The following RYR2 variants were observed in gnomAD, a reference collection of about 807,000 sequenced individuals.
The protein encoded by RYR2 is cardiac muscle ryanodine receptor-calcium release channel.
A neutral mutation model predicts 601.1 loss-of-function variants in RYR2; 227 were observed. That is an observed-to-expected ratio of 0.38 (90% CI 0.34 to 0.42). RYR2 has a LOEUF of 0.42. RYR2 is among the 10% of genes least tolerant of loss of function. The pLI, the probability that RYR2 is intolerant of heterozygous loss-of-function variation, is 1.00. For missense variants in RYR2, 4,646 were observed against 6,156.5 expected (o/e 0.75, Z 8.21); for synonymous variants, 2,223 against 2,175.1 (o/e 1.02, Z -0.61).
chr1:237,828,247 T>A (rs181863590), intron 101 of RYR2, 134 bp from the exon 102 acceptor site: 95 of 578,276 alleles, frequency 1.6e-4, no homozygotes, highest in Admixed American at 3.3e-4. Context: ...GTATCGGATA[T>A]GTAGTCACGT....
chr1:237,789,426 A>G (rs572940116), intron 92 of RYR2, among the ~76,000 whole-genome samples: 2 of 150,836 alleles, frequency 1.3e-5, no homozygotes, highest in Non-Finnish European at 3.0e-5. Context: ...ATATTGTTTA[A>G]TACAGAGTTC....
At chr1:237,698,498 G>A (rs947168124) in intron 63 of RYR2, among the ~76,000 whole-genome samples, 5 of 152,078 alleles carry the variant, frequency 3.3e-5, no homozygotes, top group African/African-American at 1.2e-4. Context: ...TGGAATTCAG[G>A]CAAATTAATT....
intron 35 of RYR2, among the ~76,000 whole-genome samples, chr1:237,609,936 T>A (rs1459507291): frequency 9.3e-6 from 1 of 107,262 alleles, no homozygotes; most frequent in Non-Finnish European, 1.7e-5. Flanking sequence ...CAGTACTTGG[T>A]TTTTCCCCGC....
intron 17 of RYR2, among the ~76,000 whole-genome samples, chr1:237,484,797 T>C (rs1344803194): frequency 1.3e-5 from 2 of 152,200 alleles, no homozygotes; most frequent in African/African-American, 4.8e-5. Flanking sequence ...AGGACCACTT[T>C]TTTTTGGTTA....
At chr1:237,056,522 C>CTGGAGCACTGCGTCTGTGAGGAT (rs1662101645) in intron 1 of RYR2, among the ~76,000 whole-genome samples, 1 of 120,208 alleles carries the variant, frequency 8.3e-6, no homozygotes, top group Non-Finnish European at 1.7e-5. Flanking sequence ...CCTGTGAGGA[C>CTGGAGCACTGCGTCTGTGAGGAT]TGGAGCACTG....
intron 1 of RYR2, among the ~76,000 whole-genome samples, chr1:237,062,965 T>C (rs567392261): frequency 5.2e-4 from 79 of 152,334 alleles, no homozygotes; most frequent in African/African-American, 1.8e-3. Flanking sequence ...TACTGTTTTT[T>C]TTTTTCTGTT....
Position 237,511,707 on chromosome 1 carries a change from G to A in RYR2, c.2738G>A (p.Arg913Lys). The A allele has an allele frequency of 1.3e-6, 2 of 1,571,866 alleles. No individual in the cohort carries two copies. Among genetic ancestry groups the A allele is most frequent in the Non-Finnish European group, 8.6e-7 (1 of 1,157,044 alleles). ...TTTCAGGTTAGAGATGACAACAAGA[G>A]ACAACACCCATGCCTGGTGGAGTTC... The part of the protein sequence containing the change: ...QYGPVRDDNK[R>K]QHPCLVEFSK... The change falls in exon 24 of 105, where the codon AGA becomes AAA. Residue 913 changes from arginine (R) to lysine (K), a missense_variant. Transcript: ENST00000366574.
chr1:237,488,880 C>T (rs1663004839), intron 17 of RYR2, among the ~76,000 whole-genome samples: 1 of 152,194 alleles, frequency 6.6e-6, no homozygotes, highest in African/African-American at 2.4e-5. Context: ...TTGGTGGACT[C>T]TTCTCACGGA....
intron 2 of RYR2, among the ~76,000 whole-genome samples, chr1:237,312,553 A>G (rs1298369887): frequency 3.3e-5 from 5 of 152,188 alleles, no homozygotes; most frequent in Non-Finnish European, 1.5e-5. Context: ...CTTTCTGGTA[A>G]CCTTACCTTG....
Position 237,657,961 on chromosome 1 carries a change from A to T in RYR2, c.8147A>T (p.Lys2716Ile), listed in dbSNP as rs749618476. 5.8e-5 allele frequency: 88 copies of T among 1,513,926 alleles called. No homozygotes were observed. Among genetic ancestry groups the T allele is most frequent in the Non-Finnish European group, 7.5e-5 (85 of 1,127,490 alleles). 93.8% of individuals were successfully genotyped at this position (1,513,926 alleles called of 1,614,324 possible). Reference sequence around the variant, plus strand: ...TCTCATAGTATTACAATTCCTGAGAAATTGGAATACTTCATTAACAAATAT... The same window carrying T: ...TCTCATAGTATTACAATTCCTGAGATATTGGAATACTTCATTAACAAATAT... Reference protein sequence around the residue: ...VDTSNITIPEKLEYFINKYAE... With the variant: ...VDTSNITIPEILEYFINKYAE... The change falls in exon 54 of 105, where the codon AAA becomes ATA. Residue 2716 changes from lysine (K) to isoleucine (I), a missense_variant. Coordinates refer to ENST00000366574, the MANE Select transcript of RYR2 (RefSeq NM_001035.3).
chr1:237,107,485 A>T (rs762477203), intron 1 of RYR2, among the ~76,000 whole-genome samples: 8 of 125,020 alleles, frequency 6.4e-5, no homozygotes, highest in African/African-American at 2.3e-4. Flanking sequence ...GCACCACTGC[A>T]CTCCAGCCTG....
intron 24 of RYR2, among the ~76,000 whole-genome samples, chr1:237,525,563 G>C (rs1478156195): frequency 1.3e-5 from 2 of 151,894 alleles, no homozygotes. Flanking sequence ...CAATTCTCCT[G>C]CCACAGCCTC....
In RYR2 at chr1:237,659,988, G is replaced by A; in HGVS notation, c.8212G>A (p.Ala2738Thr). Residue 2738 changes from alanine to threonine, a missense_variant, in exon 55 of 105, where the codon GCA becomes ACA. Ala to Thr is a moderately conservative substitution (Grantham distance 58). This residue lies in a region of RYR2 where 1,497 missense variants were observed against 1,842.6 expected (regional missense o/e 0.81). Coordinates refer to ENST00000366574, the MANE Select transcript of RYR2 (RefSeq NM_001035.3). Reference sequence around the variant, plus strand: ...TTAATGTTTGCCTTTTTTTAAGTTGGCAAATGGATGGATTTATGGAGAAAT... The same window carrying A: ...TTAATGTTTGCCTTTTTTTAAGTTGACAAATGGATGGATTTATGGAGAAAT... ...SHDKWSMDKL[A>T]NGWIYGEIYS... 6.4e-7 allele frequency: 1 copy of A among 1,573,982 alleles called. No homozygotes were observed. Among genetic ancestry groups the A allele is most frequent in the Non-Finnish European group, 8.6e-7 (1 of 1,164,982 alleles).
intron 1 of RYR2, among the ~76,000 whole-genome samples, chr1:237,065,319 G>A (rs373539949): frequency 3.7e-5 from 5 of 133,748 alleles, no homozygotes; most frequent in East Asian, 4.1e-4. Flanking sequence ...TTGCATTGTC[G>A]CCCAGGCTGG....
At chr1:237,440,254 A>G (rs1051736938) in intron 12 of RYR2, among the ~76,000 whole-genome samples, 2 of 152,190 alleles carry the variant, frequency 1.3e-5, no homozygotes, top group Non-Finnish European at 2.9e-5. Flanking sequence ...TGTTTAGCAG[A>G]CATACATTTT....
intron 29 of RYR2, among the ~76,000 whole-genome samples, chr1:237,584,037 A>C (rs1446122971): frequency 2.0e-5 from 3 of 152,210 alleles, no homozygotes; most frequent in Non-Finnish European, 4.4e-5. Flanking sequence ...GCACTAATTT[A>C]AGATCCACTG....
At chr1:237,210,609 A>G (rs556243492) in intron 1 of RYR2, among the ~76,000 whole-genome samples, 1 of 152,218 alleles carries the variant, frequency 6.6e-6, no homozygotes, top group African/African-American at 2.4e-5. Context: ...CCTATAACCC[A>G]AGGCCCATAG....
intron 1 of RYR2, among the ~76,000 whole-genome samples, chr1:237,179,245 C>G (rs770379677): frequency 6.6e-6 from 1 of 151,044 alleles, no homozygotes; most frequent in Non-Finnish European, 1.5e-5. Context: ...TATGAAGAGA[C>G]ATACTCTTAG....
At chr1:237,730,809 T>C (rs1321636408) in intron 77 of RYR2, among the ~76,000 whole-genome samples, 1 of 152,096 alleles carries the variant, frequency 6.6e-6, no homozygotes, top group Non-Finnish European at 1.5e-5. Flanking sequence ...ACATGGTAAA[T>C]GTGGAGCATG....
Sources: gnomAD v4.1 joint callset for allele counts (sites outside exome capture counted in the v4.1 genomes callset) on GRCh38, gnomAD v4.1.1 for gene constraint, gnomAD v4.1.1 regional missense constraint, MANE v1.5 for transcripts, NCBI Gene and HGNC (gene_info 2026-07-23, HGNC 2026-07-21) for gene names.